The following EBF4 variants were observed in gnomAD, a reference collection of about 807,000 sequenced individuals.
EBF4 encodes the protein transcription factor COE4.
A neutral mutation model predicts 67.1 loss-of-function variants in EBF4; 34 were observed. The observed-to-expected ratio is 0.51, with a 90% confidence interval of 0.39 to 0.67. The LOEUF is 0.67. Ranked by LOEUF, EBF4 falls within the 30% of genes least tolerant of loss-of-function variation. The pLI, the probability that EBF4 is intolerant of heterozygous loss-of-function variation, is 0.00. For missense variants in EBF4, 837 were observed against 873.3 expected (o/e 0.96, Z 0.52); for synonymous variants, 387 against 377.7 (o/e 1.02, Z -0.29).
At chr20:2,704,278 A>G (rs4815533) in intron 1 of EBF4, among the ~76,000 whole-genome samples, 66,656 of 151,622 alleles carry the variant, frequency 0.44, 14,750 homozygotes, top group East Asian at 0.51. Flanking sequence ...AGCAGGGTAC[A>G]TTCCTGGAGG....
chr20:2,721,250 T>C (rs2087676669), intron 6 of EBF4, among the ~76,000 whole-genome samples: 1 of 149,746 alleles, frequency 6.7e-6, no homozygotes, highest in Non-Finnish European at 1.5e-5. Flanking sequence ...TCTCTTCTTT[T>C]TTTTTTTTTT....
intron 6 of EBF4, among the ~76,000 whole-genome samples, chr20:2,718,773 T>A (rs773947122): frequency 6.6e-6 from 1 of 152,206 alleles, no homozygotes; most frequent in African/African-American, 2.4e-5. Flanking sequence ...GTTTTTTGTT[T>A]CATTGATTTC....
At position 2,734,942 on chromosome 20, in the gene EBF4, C is replaced by G. The variant is rs889970901; in HGVS notation, c.558-13607C>G. Among the ~76,000 whole-genome samples the G allele has an allele frequency of 4.6e-5, 7 of 152,324 alleles. No individual in the cohort carries two copies. The South Asian group carries it at 1.2e-3, about 27-fold the overall frequency. ...ATGCCTTTTTTGGGCATGTGCCTCT[C>G]CCTGCACATATGCATAGCTTTCTAG... On this transcript the variant is annotated intron_variant, in intron 6 of 16. Transcript: ENST00000609451.
chr20:2,731,871 C>A (rs944386324), intron 6 of EBF4, among the ~76,000 whole-genome samples: 1 of 152,174 alleles, frequency 6.6e-6, no homozygotes, highest in Non-Finnish European at 1.5e-5. Context: ...AGAGCTAAAG[C>A]CAGGAGTACC....
At chr20:2,720,720 CTATT>C (rs1482220660) in intron 6 of EBF4, among the ~76,000 whole-genome samples, 1 of 152,018 alleles carries the variant, frequency 6.6e-6, no homozygotes, top group Non-Finnish European at 1.5e-5. Context: ...AATATTTTAT[CTATT>C]TATCCATGTA....
At position 2,705,742 on chromosome 20, in the gene EBF4, C is replaced by T; in HGVS notation, c.294+9C>T. The T allele has an allele frequency of 1.3e-6, 2 of 1,545,942 alleles. No homozygotes were observed. The highest frequency in any genetic ancestry group is 1.7e-6 in the Non-Finnish European group (2 of 1,144,194). On this transcript the variant is annotated intron_variant, in intron 2 of 16. Coordinates refer to ENST00000609451, the Ensembl canonical transcript of EBF4. Reference sequence around the variant, plus strand: ...TCGTGGAAAAGGACCGAGTGAGAGGCTCATGGGCTTGGCTGGGACTGGCCC... The same window carrying T: ...TCGTGGAAAAGGACCGAGTGAGAGGTTCATGGGCTTGGCTGGGACTGGCCC...
In EBF4 at chr20:2,725,315, T is replaced by G. The variant is rs116351958; in HGVS notation, c.557+15673T>G. On this transcript the variant is annotated intron_variant, in intron 6 of 16. Transcript: ENST00000609451. ...ATTCATCTTTCAAGTCATTAATTAT[T>G]TCTTTAGCTGTATCTAATTTTTAAT... 1.4e-3 allele frequency among the ~76,000 whole-genome samples: 208 copies of G among 152,354 alleles called. 1 individual carries two copies. Among genetic ancestry groups the G allele is most frequent in the African/African-American group, 4.8e-3 (200 of 41,598 alleles).
At position 2,755,742 on chromosome 20, in the gene EBF4, G is replaced by C. The variant is rs1187958761; in HGVS notation, c.1656G>C (p.Gln552His). ...TCAACATGATCTCCGCCGTCAAACA[G>C]AGGAGCGCCTTCGCCCCCGTGCTGC... Residue 552 changes from glutamine to histidine, a missense_variant, in exon 15 of 17, where the codon CAG becomes CAC. Around this residue, in one of 3 missense-constraint regions of EBF4, gnomAD observed 525 missense variants for 496.5 expected, o/e 1.06. Coordinates refer to ENST00000609451, the Ensembl canonical transcript of EBF4. This position sits in a 1 kb window ranked among gnomAD's most constrained non-coding sequence, Gnocchi z 4.7. 1 of 1,551,026 alleles carries C rather than the reference G, an allele frequency of 6.4e-7. No homozygotes were observed. Among genetic ancestry groups the C allele is most frequent in the East Asian group, 2.4e-5 (1 of 40,884 alleles).
rs149846026 is a variant in EBF4 at position 2,724,866 on chromosome 20, T to A, written c.557+15224T>A. Among the ~76,000 whole-genome samples, 275 of 152,316 alleles carry A rather than the reference T, an allele frequency of 1.8e-3. 5 individuals are homozygous for A. The South Asian group carries it at 0.025, about 14-fold the overall frequency. On this transcript the variant is annotated intron_variant, in intron 6 of 16. Transcript: ENST00000609451. ...TTACAGTGAGCTATGATGGCACCAT[T>A]GCATTCCAGCCTGGGCAACAGAGTG...
chr20:2,729,552 A>C (rs1425622496), intron 6 of EBF4, among the ~76,000 whole-genome samples: 1 of 152,018 alleles, frequency 6.6e-6, no homozygotes, highest in African/African-American at 2.4e-5. Flanking sequence ...CACACCCCAC[A>C]CTTCCTCCCC....
In EBF4 at chr20:2,752,282, C is replaced by T; in HGVS notation, c.1351+19C>T. On this transcript the variant is annotated intron_variant, in intron 13 of 16. Coordinates refer to ENST00000609451, the Ensembl canonical transcript of EBF4. Reference sequence around the variant, plus strand: ...GAGCCGGGTGCGTGGGCCGCGCCTCCCCGCCGTCCTCGGGCGCCGCCACCG... The same window carrying T: ...GAGCCGGGTGCGTGGGCCGCGCCTCTCCGCCGTCCTCGGGCGCCGCCACCG... 8.2e-7 allele frequency: 1 copy of T among 1,222,476 alleles called. No homozygotes were observed. Among genetic ancestry groups the T allele is most frequent in the Admixed American group, 4.4e-5 (1 of 22,730 alleles). 75.7% of individuals were successfully genotyped at this position (1,222,476 alleles called of 1,614,324 possible).
intron 1 of EBF4, among the ~76,000 whole-genome samples, chr20:2,701,790 G>A (rs959056578): frequency 1.3e-5 from 2 of 152,196 alleles, no homozygotes; most frequent in Non-Finnish European, 2.9e-5. Context: ...CAGGGACCTG[G>A]GAGTGCTTCA....
In EBF4 at chr20:2,749,519, G is replaced by T; in HGVS notation, c.757+1G>T. The T allele has an allele frequency of 6.5e-7, 1 of 1,545,188 alleles. No individual in the cohort carries two copies. The highest frequency in any genetic ancestry group is 1.2e-5 in the South Asian group (1 of 83,730). Reference sequence around the variant, plus strand: ...GCGCGCCGCCTGGACCCCTCCGAAGGTCAGGACCCCCGGCCCAGCCCCGGC... The same window carrying T: ...GCGCGCCGCCTGGACCCCTCCGAAGTTCAGGACCCCCGGCCCAGCCCCGGC... On this transcript the variant is annotated splice_donor_variant, in intron 8 of 16. Coordinates refer to ENST00000609451, the Ensembl canonical transcript of EBF4. LOFTEE classifies it high-confidence loss of function.
chr20:2,713,648 G>A (rs2087571811), intron 6 of EBF4, among the ~76,000 whole-genome samples: 1 of 152,212 alleles, frequency 6.6e-6, no homozygotes, highest in South Asian at 2.1e-4. Context: ...CAGTTGAGTA[G>A]AAGGAAACAT....
chr20:2,706,419 C>A (rs533790513), intron 4 of EBF4, among the ~76,000 whole-genome samples, 155 bp downstream of exon 4: 1 of 152,148 alleles, frequency 6.6e-6, no homozygotes, highest in Non-Finnish European at 1.5e-5. Flanking sequence ...CAGCCTGTGC[C>A]GGAGGGTGTG....
chr20:2,713,034 T>C (rs1455337463), intron 6 of EBF4, among the ~76,000 whole-genome samples: 2 of 152,058 alleles, frequency 1.3e-5, no homozygotes, highest in African/African-American at 2.4e-5. Context: ...AGACAGTGAG[T>C]AGAGGAACTC....
intron 6 of EBF4, among the ~76,000 whole-genome samples, chr20:2,723,774 CAAAT>C (rs1470394412): frequency 6.6e-6 from 1 of 152,070 alleles, no homozygotes; most frequent in Non-Finnish European, 1.5e-5. Context: ...GTATAGGTGA[CAAAT>C]AAAAATTTTA....
Position 2,751,363 on chromosome 20 carries a change from G to T in EBF4, c.1019-337G>T, listed in dbSNP as rs928369294. Among the ~76,000 whole-genome samples, 1 of 152,202 alleles carries T rather than the reference G, an allele frequency of 6.6e-6. No individual in the cohort carries two copies. Among genetic ancestry groups the T allele is most frequent in the Non-Finnish European group, 1.5e-5 (1 of 68,040 alleles). Reference sequence around the variant, plus strand: ...ATGAAAAGAGAAAACTCTCCATCGAGTCCTGCCCTTAGGACTATAACTCAT... The same window carrying T: ...ATGAAAAGAGAAAACTCTCCATCGATTCCTGCCCTTAGGACTATAACTCAT... On this transcript the variant is annotated intron_variant, in intron 10 of 16. Coordinates refer to ENST00000609451, the Ensembl canonical transcript of EBF4. The surrounding 1 kb of genome is among the most constrained non-coding windows in gnomAD (Gnocchi z 5.2).
chr20:2,713,204 T>C (rs779824798), intron 6 of EBF4, among the ~76,000 whole-genome samples: 12 of 152,062 alleles, frequency 7.9e-5, no homozygotes, highest in Non-Finnish European at 1.8e-4. Flanking sequence ...GCTGAAGCAA[T>C]ATCCTTCAGG....
Sources: allele counts gnomAD v4.1 joint callset (sites outside exome capture counted in the v4.1 genomes callset), GRCh38; gene constraint gnomAD v4.1.1; regional missense constraint gnomAD v4.1.1; non-coding constraint Gnocchi (gnomAD v3.1); transcripts MANE v1.5; gene names NCBI Gene and HGNC (gene_info 2026-07-23, HGNC 2026-07-21).